DLG2: variants seen among roughly 807,000 people sequenced by gnomAD.
The protein encoded by DLG2 is disks large homolog 2.
In DLG2, 45 loss-of-function variants were observed where a neutral mutation model predicts 132.5. The observed-to-expected ratio is 0.34, with a 90% CI of 0.27 to 0.44. The LOEUF (loss-of-function observed/expected upper bound fraction) is 0.44. DLG2 is among the 20% of genes least tolerant of loss of function. DLG2 has a pLI of 1.00. For synonymous variants in DLG2, 424 were observed against 419.6 expected, an observed-to-expected ratio of 1.01 and a Z score of -0.13; for missense variants, 1,045 against 1,196.9, an observed-to-expected ratio of 0.87 and a Z score of 1.87.
chr11:85,472,172 C>T (rs1056933526), intron 3 of DLG2, among the ~76,000 whole-genome samples: 1 of 152,132 alleles, frequency 6.6e-6, no homozygotes, highest in Non-Finnish European at 1.5e-5. Context: ...TCCAGTGCTG[C>T]CCATGGACCA....
intron 3 of DLG2, among the ~76,000 whole-genome samples, chr11:85,415,902 T>C (rs1014886261): frequency 6.6e-6 from 1 of 152,210 alleles, no homozygotes; most frequent in African/African-American, 2.4e-5. Flanking sequence ...CTTTTGGGTT[T>C]TGTTGCCATT....
chr11:84,269,087 T>C (rs1375886332), intron 7 of DLG2, among the ~76,000 whole-genome samples: 7 of 152,240 alleles, frequency 4.6e-5, no homozygotes, highest in Admixed American at 6.5e-5. Flanking sequence ...TCTGTGTATG[T>C]ATACATGTAA....
chr11:83,518,374 G>T (rs376023532), intron 21 of DLG2, among the ~76,000 whole-genome samples: 1 of 152,208 alleles, frequency 6.6e-6, no homozygotes, highest in African/African-American at 2.4e-5. Context: ...TTGGAAAAGC[G>T]CAGTATTAGG....
chr11:84,359,455 C>T (rs1356750657), intron 7 of DLG2, among the ~76,000 whole-genome samples: 2 of 151,846 alleles, frequency 1.3e-5, no homozygotes, highest in Non-Finnish European at 2.9e-5. Context: ...AGAGTTAATA[C>T]ATTTCCCGAA....
At chr11:83,609,026 A>C (rs2059740260) in intron 19 of DLG2, among the ~76,000 whole-genome samples, 1 of 152,192 alleles carries the variant, frequency 6.6e-6, no homozygotes, top group South Asian at 2.1e-4. Context: ...TTAAAGTAAA[A>C]TACTAGGCTG....
At chr11:84,343,348 T>C (rs2098524463) in intron 7 of DLG2, among the ~76,000 whole-genome samples, 1 of 152,202 alleles carries the variant, frequency 6.6e-6, no homozygotes, top group Admixed American at 6.5e-5. Context: ...ACAAAGTTTA[T>C]AATATATCCC....
At chr11:85,124,869 C>T (rs903091217) in intron 5 of DLG2, among the ~76,000 whole-genome samples, 10 of 147,414 alleles carry the variant, frequency 6.8e-5, no homozygotes, top group South Asian at 2.1e-4. Context: ...CTCGCTGTGT[C>T]GCCCAGGCTG....
intron 18 of DLG2, among the ~76,000 whole-genome samples, chr11:83,716,168 A>T (rs971411702): frequency 1.3e-5 from 2 of 152,180 alleles, no homozygotes; most frequent in Admixed American, 1.3e-4. Context: ...AAGGTCAGGG[A>T]AGCACGTGTT....
At chr11:83,638,128 G>T (rs2153472895) in intron 18 of DLG2, among the ~76,000 whole-genome samples, 1 of 152,244 alleles carries the variant, frequency 6.6e-6, no homozygotes, top group Non-Finnish European at 1.5e-5. Flanking sequence ...GGAGCTTCAT[G>T]AAACATTACC....
rs2064181437 is a variant in DLG2 at position 83,874,310 on chromosome 11, A to G, written c.1565+110T>C. ...AAGGAAGGGAGGAAGGAAGGAAAGA[A>G]GGAAGGGAGGGAGGGAGGGAAGGAG... On this transcript the variant is annotated intron_variant, in intron 16 of 27. Transcript: ENST00000376104. 8.8e-6 allele frequency: 5 copies of G among 571,060 alleles called. No individual in the cohort carries two copies. The East Asian group carries it at 1.7e-4, about 20-fold the overall frequency. The allele number at this position is 571,060 out of a possible 1,614,324, so 35.4% of individuals were successfully genotyped here.
chr11:84,329,991 A>G (rs2098451306), intron 7 of DLG2, among the ~76,000 whole-genome samples: 1 of 152,184 alleles, frequency 6.6e-6, no homozygotes, highest in Non-Finnish European at 1.5e-5. Flanking sequence ...CTGTTTCCTC[A>G]TTTATAAAAT....
chr11:84,136,271 T>G (rs1312369263), intron 9 of DLG2, among the ~76,000 whole-genome samples: 1 of 152,166 alleles, frequency 6.6e-6, no homozygotes, highest in South Asian at 2.1e-4. Flanking sequence ...TTCATAGAAG[T>G]TATCAAAATA....
intron 6 of DLG2, among the ~76,000 whole-genome samples, chr11:84,633,981 T>C (rs1164867691): frequency 6.6e-6 from 1 of 152,216 alleles, no homozygotes; most frequent in African/African-American, 2.4e-5. Flanking sequence ...ACCAGAATTA[T>C]TGGCACATTT....
intron 16 of DLG2, among the ~76,000 whole-genome samples, chr11:83,860,518 G>A (rs1340878596): frequency 6.6e-5 from 10 of 152,154 alleles, no homozygotes; most frequent in Admixed American, 6.5e-4. Context: ...GAGAATGGCT[G>A]TATTTACCCA....
chr11:85,458,895 G>T (rs929789857), intron 3 of DLG2, among the ~76,000 whole-genome samples: 1 of 152,162 alleles, frequency 6.6e-6, no homozygotes, highest in African/African-American at 2.4e-5. Context: ...TGGGCAGAAG[G>T]GGAAGGGATC....
At chr11:85,596,124 T>A (rs540817448) in intron 3 of DLG2, among the ~76,000 whole-genome samples, 1 of 152,268 alleles carries the variant, frequency 6.6e-6, no homozygotes, top group Middle Eastern at 3.4e-3. Flanking sequence ...GTGCAGTGAT[T>A]GACGCATGTA....
intron 7 of DLG2, among the ~76,000 whole-genome samples, chr11:84,278,047 GT>G (rs55650627): frequency 8.5e-4 from 85 of 99,606 alleles, no homozygotes; most frequent in South Asian, 1.5e-3. Flanking sequence ...GCCTGGCTAA[GT>G]TTTTTTTTTT....
intron 16 of DLG2, among the ~76,000 whole-genome samples, chr11:83,852,672 G>A (rs750162663): frequency 6.6e-6 from 1 of 152,038 alleles, no homozygotes; most frequent in African/African-American, 2.4e-5. Flanking sequence ...CTTCTCTGGG[G>A]GTATCACAGG....
In DLG2 at chr11:84,250,043, C is replaced by T. The variant is rs113381204; in HGVS notation, c.573+1195G>A. On this transcript the variant is annotated intron_variant, in intron 8 of 27. Coordinates refer to ENST00000376104, the MANE Select transcript of DLG2 (RefSeq NM_001142699.3). ...ACCGCCAGAACCTGCTCAGGACCGC[C>T]AGTTCTTTTGAGGTATTTGAGGTAA... 4.9e-3 allele frequency among the ~76,000 whole-genome samples: 748 copies of T among 152,286 alleles called. 8 individuals carry two copies. Among genetic ancestry groups the T allele is most frequent in the African/African-American group, 0.016 (671 of 41,558 alleles).
Sources: gnomAD v4.1 joint callset for allele counts (sites outside exome capture counted in the v4.1 genomes callset) on GRCh38, gnomAD v4.1.1 for gene constraint, MANE v1.5 for transcripts, NCBI Gene and HGNC (gene_info 2026-07-23, HGNC 2026-07-21) for gene names.